PSIP1: variants seen among roughly 807,000 people sequenced by gnomAD.
PSIP1 encodes PC4 and SFRS1-interacting protein.
Under a neutral mutation model 74.7 loss-of-function variants are expected in PSIP1, and 19 were observed. The observed-to-expected ratio is 0.25, with a 90% CI of 0.18 to 0.37. The LOEUF (loss-of-function observed/expected upper bound fraction) is 0.37, where lower values mean the gene tolerates loss of function less well. PSIP1 is among the 10% of genes least tolerant of loss of function. PSIP1 has a pLI of 1.00. For synonymous variants in PSIP1, 222 were observed against 195.3 expected, an observed-to-expected ratio of 1.14 and a Z score of -1.14; for missense variants, 601 against 614.3, an observed-to-expected ratio of 0.98 and a Z score of 0.23.
chr9:15,499,799 G>C (rs1011997562), intron 3 of PSIP1, among the ~76,000 whole-genome samples: 1 of 151,200 alleles, frequency 6.6e-6, no homozygotes, highest in African/African-American at 2.4e-5. Flanking sequence ...GCTTGAACCC[G>C]GGAGGCAGAG....
chr9:15,510,182 G>C lies in PSIP1; in HGVS notation c.7C>G (p.Arg3Gly). The C allele has an allele frequency of 6.2e-7, 1 of 1,604,732 alleles. No homozygotes were observed. The highest frequency in any genetic ancestry group is 8.5e-7 in the Non-Finnish European group (1 of 1,175,900). MT[R>G]DFKPGDLIFA... Reference sequence around the variant, plus strand: ...ATGAGGTCTCCAGGTTTGAAATCGCGAGTCATGTTTCGGGGGCGAGACCGG... The same window carrying C: ...ATGAGGTCTCCAGGTTTGAAATCGCCAGTCATGTTTCGGGGGCGAGACCGG... Residue 3 changes from arginine to glycine, a missense_variant, in exon 2 of 16, where the codon CGC (arginine) becomes GGC (glycine). Physicochemically the swap from Arg to Gly is moderately radical, Grantham distance 125 (BLOSUM62 -2). Coordinates refer to ENST00000380733, the MANE Select transcript of PSIP1 (RefSeq NM_033222.5).
At chr9:15,469,187 A>C (rs1395701270) in intron 12 of PSIP1, 79 bp downstream of exon 12, 1 of 1,312,460 alleles carries the variant, frequency 7.6e-7, no homozygotes, top group East Asian at 2.3e-5. Flanking sequence ...AAATTTACAT[A>C]CTCATAAGAT....
At chr9:15,471,436 C>T (rs2035826024) in intron 10 of PSIP1, 1 of 1,444,046 alleles carries the variant, frequency 6.9e-7, no homozygotes, top group Non-Finnish European at 9.2e-7. Context: ...CTTTAAGATA[C>T]TAAAGAAGGG....
chr9:15,469,036 G>A lies in PSIP1; in HGVS notation c.1127C>T (p.Ala376Val). Residue 376 changes from alanine to valine, a missense_variant, in exon 13 of 16, where the codon GCC becomes GTC. Around this residue, in one of 2 missense-constraint regions of PSIP1, gnomAD observed 538 missense variants for 507.6 expected, o/e 1.06. Transcript: ENST00000380733. ...DNLDVNRCIE[A>V]LDELASLQVT... ...CTGAAGTGAAGCAAGTTCATCCAAG[G>A]CCTCAATGCATCTGTTCACATCCTT... 2 of 1,613,680 alleles carry A rather than the reference G, an allele frequency of 1.2e-6. No homozygotes were observed. Among genetic ancestry groups the A allele is most frequent in the Non-Finnish European group, 1.7e-6 (2 of 1,179,872 alleles).
intron 3 of PSIP1, among the ~76,000 whole-genome samples, chr9:15,492,796 C>A (rs1366825269): frequency 6.6e-6 from 1 of 152,194 alleles, no homozygotes; most frequent in East Asian, 1.9e-4. Context: ...ATCCGCAGAC[C>A]CAACACCATG....
chr9:15,471,444 G>C, intron 10 of PSIP1: 2 of 1,433,972 alleles, frequency 1.4e-6, no homozygotes, highest in Non-Finnish European at 1.8e-6. Flanking sequence ...TACTAAAGAA[G>C]GGTTGGGCTA....
At chr9:15,477,566 G>C (rs894241861) in intron 8 of PSIP1, among the ~76,000 whole-genome samples, 1 of 151,914 alleles carries the variant, frequency 6.6e-6, no homozygotes, top group Non-Finnish European at 1.5e-5. Flanking sequence ...CCCCACTTAA[G>C]CCTTTCAAAT....
At chr9:15,498,142 G>C (rs951939646) in intron 3 of PSIP1, among the ~76,000 whole-genome samples, 34 of 152,298 alleles carry the variant, frequency 2.2e-4, no homozygotes, top group Admixed American at 1.8e-3. Flanking sequence ...GGGAATGGTG[G>C]CTCACATTTG....
chr9:15,474,003 T>A lies in PSIP1; in HGVS notation c.858+6A>T. ...AACAGCCATTTTATATATGTAAACT[T>A]TATACCTTTTCACCTTCTTGATCAT... On this transcript the variant is annotated splice_donor_region_variant and intron_variant, in intron 9 of 15. Transcript: ENST00000380733. 6.2e-7 allele frequency: 1 copy of A among 1,602,678 alleles called. No homozygotes were observed. Among genetic ancestry groups the A allele is most frequent in the Non-Finnish European group, 8.5e-7 (1 of 1,171,568 alleles).
chr9:15,466,204 C>T (rs1365421976), intron 15 of PSIP1, among the ~76,000 whole-genome samples: 1 of 152,206 alleles, frequency 6.6e-6, no homozygotes, highest in African/African-American at 2.4e-5. Context: ...ATGGTGAAAC[C>T]TCATCTCTAC....
At chr9:15,475,126 T>C (rs1270814863) in intron 8 of PSIP1, among the ~76,000 whole-genome samples, 1 of 152,172 alleles carries the variant, frequency 6.6e-6, no homozygotes, top group African/African-American at 2.4e-5. Context: ...TTAAGAACTA[T>C]TAAGTTGGAA....
rs200652455 is a variant in PSIP1, at chr9:15,468,419, T to C, written c.1420+211A>G. The C allele has an allele frequency of 5.1e-5, 3 of 59,228 alleles. 1 individual carries two copies. Among genetic ancestry groups the C allele is most frequent in the African/African-American group, 1.5e-4 (3 of 19,458 alleles). The allele number at this position is 59,228 out of a possible 1,614,324, so 3.7% of individuals were successfully genotyped here. ...GCCTCATGAGCAATGGTTTCTGCCT[T>C]AGAAGTCGAATATAAACTGACATGA... On this transcript the variant is annotated intron_variant, in intron 14 of 15. Transcript: ENST00000380733.
chr9:15,482,763 T>C (rs999034277), intron 6 of PSIP1, among the ~76,000 whole-genome samples: 2 of 152,232 alleles, frequency 1.3e-5, no homozygotes, highest in Non-Finnish European at 2.9e-5. Context: ...CCCTATTATG[T>C]TGCCACATTC....
chr9:15,498,155 ACCCCAG>A (rs1173629862), intron 3 of PSIP1, among the ~76,000 whole-genome samples: 1 of 152,086 alleles, frequency 6.6e-6, no homozygotes, highest in African/African-American at 2.4e-5. Flanking sequence ...CACATTTGTA[ACCCCAG>A]CCCCAGCACT....
At chr9:15,481,234 T>C (rs1033399655) in intron 6 of PSIP1, among the ~76,000 whole-genome samples, 1 of 152,168 alleles carries the variant, frequency 6.6e-6, no homozygotes, top group African/African-American at 2.4e-5. Flanking sequence ...GCTCCCCAGG[T>C]AACAAAGCTT....
chr9:15,464,812 G>T lies in PSIP1; in HGVS notation c.*708C>A, dbSNP rs973171638. Reference sequence around the variant, plus strand: ...ATATACCCAGTCAGTTGTCTGCAAAGAAGTCCTAAGACTTCACTGAATGCC... The same window carrying T: ...ATATACCCAGTCAGTTGTCTGCAAATAAGTCCTAAGACTTCACTGAATGCC... On this transcript the variant is annotated 3_prime_UTR_variant, in exon 16 of 16. Coordinates refer to ENST00000380733, the MANE Select transcript of PSIP1 (RefSeq NM_033222.5). 2 of 207,458 alleles carry T rather than the reference G, an allele frequency of 9.6e-6. No individual in the cohort carries two copies. The highest frequency in any genetic ancestry group is 1.2e-4 in the Admixed American group (2 of 16,876). 12.9% of individuals were successfully genotyped at this position (207,458 alleles called of 1,614,324 possible). A position where few individuals can be genotyped will look rare whatever the true frequency, so the allele number is the denominator to read the frequency against.
At chr9:15,469,478 A>C (rs2035750372) in intron 11 of PSIP1, 142 bp from the exon 12 acceptor site, 4 of 567,638 alleles carry the variant, frequency 7.0e-6, no homozygotes, top group Non-Finnish European at 1.2e-5. Context: ...AGATATGCAC[A>C]ATAGCTTAAC....
chr9:15,494,281 A>G (rs974717280), intron 3 of PSIP1, among the ~76,000 whole-genome samples: 34 of 152,322 alleles, frequency 2.2e-4, no homozygotes, highest in African/African-American at 7.9e-4. Flanking sequence ...TTCTATTTAA[A>G]TATGGCTGGG....
Position 15,486,023 on chromosome 9 carries a change from T to G in PSIP1, c.439A>C (p.Arg147=). 1 of 1,609,856 alleles carries G rather than the reference T, an allele frequency of 6.2e-7. No individual in the cohort carries two copies. The highest frequency in any genetic ancestry group is 1.3e-5 in the African/African-American group (1 of 74,884). ...GAAATTACCTTTCTCTTTCTCCCCC[T>G]TCTGGCAGCTTTTGGAGTAGTTATG... The part of the protein sequence containing the change: ...VDITTPKAAR[R]GRKRKAEKQV... Residue 147 remains arginine, a synonymous_variant, in exon 6 of 16, where the codon AGG becomes CGG. Coordinates refer to ENST00000380733, the MANE Select transcript of PSIP1 (RefSeq NM_033222.5).
Sources: gnomAD v4.1 joint callset for allele counts (sites outside exome capture counted in the v4.1 genomes callset) on GRCh38, gnomAD v4.1.1 for gene constraint, gnomAD v4.1.1 regional missense constraint, MANE v1.5 for transcripts, NCBI Gene and HGNC (gene_info 2026-07-23, HGNC 2026-07-21) for gene names.